SEPTIN5: variants seen among roughly 807,000 people sequenced by gnomAD.
SEPTIN5 encodes septin 5.
Under a neutral mutation model 51.2 loss-of-function variants are expected in SEPTIN5, and 16 were observed. That is an observed-to-expected ratio of 0.31 (90% CI 0.21 to 0.47). The LOEUF (loss-of-function observed/expected upper bound fraction) is 0.47, where lower values mean the gene tolerates loss of function less well. SEPTIN5 is among the 20% of genes least tolerant of loss of function. SEPTIN5 has a pLI of 0.99. For synonymous variants in SEPTIN5, 208 were observed against 191.2 expected, an observed-to-expected ratio of 1.09 and a Z score of -0.72; for missense variants, 376 against 500.3, an observed-to-expected ratio of 0.75 and a Z score of 2.37.
chr22:19,721,499 G>T, intron 8 of SEPTIN5, 141 bp from the exon 9 acceptor site: 1 of 920,702 alleles, frequency 1.1e-6, no homozygotes, highest in Non-Finnish European at 1.6e-6. Context: ...AGGCCAGAAA[G>T]GGGCAACGCC....
chr22:19,715,595 G>C (rs1472371953), intron 2 of SEPTIN5, among the ~76,000 whole-genome samples: 6 of 152,212 alleles, frequency 3.9e-5, no homozygotes, highest in Non-Finnish European at 5.9e-5. Flanking sequence ...CATCTTTGGA[G>C]GAAAAAAGAA....
chr22:19,721,747 T>G lies in SEPTIN5; in HGVS notation c.814+11T>G. On this transcript the variant is annotated intron_variant, in intron 9 of 11. Coordinates refer to ENST00000455784, the MANE Select transcript of SEPTIN5 (RefSeq NM_002688.6). ...GGGGGATCGTGGAGGGTGAGTAGAG[T>G]CTTGGGGTACCAGGTCTGGTGGGGG... is the stretch of plus-strand genomic sequence containing the variant. The G allele has an allele frequency of 1.8e-5, 29 of 1,603,030 alleles. No individual in the cohort carries two copies. Among genetic ancestry groups the G allele is most frequent in the Non-Finnish European group, 2.4e-5 (28 of 1,172,940 alleles).
In SEPTIN5 at chr22:19,714,739, T is replaced by C. The variant is rs767425384; in HGVS notation, c.44-42T>C. 4.1e-6 allele frequency: 6 copies of C among 1,477,938 alleles called. No individual in the cohort carries two copies. The South Asian group carries it at 7.2e-5, about 18-fold the overall frequency. 91.6% of individuals were successfully genotyped at this position (1,477,938 alleles called of 1,614,324 possible). On this transcript the variant is annotated intron_variant, in intron 1 of 11. Coordinates refer to ENST00000455784, the MANE Select transcript of SEPTIN5 (RefSeq NM_002688.6). This position sits in a 1 kb window ranked among gnomAD's most constrained non-coding sequence, Gnocchi z 5.2. ...CCCCCGCCCGCCGGCCCGGACCCGC[T>C]CGGAACCGGACCCGGACTCGACCCC...
At position 19,721,862 on chromosome 22, in the gene SEPTIN5, C is replaced by T; in HGVS notation, c.855C>T (p.Asn285=). 1 of 1,611,632 alleles carries T rather than the reference C, an allele frequency of 6.2e-7. No homozygotes were observed. Residue 285 remains asparagine, a synonymous_variant, in exon 10 of 12, where the codon AAC becomes AAT. Transcript: ENST00000455784. ...ATTGCGACTTCGTGAAGCTGCGCAA[C>T]ATGCTCATCCGCACGCATATGCACG... The part of the protein sequence containing the change: ...QAHCDFVKLR[N]MLIRTHMHDL...
Position 19,714,829 on chromosome 22 carries a change from G to A in SEPTIN5, c.54+38G>A, listed in dbSNP as rs752159091. On this transcript the variant is annotated intron_variant, in intron 2 of 11. Coordinates refer to ENST00000455784, the MANE Select transcript of SEPTIN5 (RefSeq NM_002688.6). This position sits in a 1 kb window ranked among gnomAD's most constrained non-coding sequence, Gnocchi z 5.2. ...CGCCGCTCCCCCGCCGGGAGACCCG[G>A]CCGGCTGTCACCCATTGTGACACTA... The A allele has an allele frequency of 6.3e-6, 10 of 1,588,728 alleles. No homozygotes were observed. The South Asian group carries it at 8.9e-5, about 14-fold the overall frequency.
intron 10 of SEPTIN5, 70 bp from the exon 11 acceptor site, chr22:19,722,167 A>G (rs2145792967): frequency 1.6e-6 from 2 of 1,256,008 alleles, no homozygotes; most frequent in Non-Finnish European, 2.2e-6. Flanking sequence ...GGGATGGGCC[A>G]GGCATCGCCA....
chr22:19,715,409 AC>A (rs1223630031), intron 2 of SEPTIN5, among the ~76,000 whole-genome samples: 2 of 152,088 alleles, frequency 1.3e-5, no homozygotes, highest in Non-Finnish European at 2.9e-5. Context: ...GGTTGGCCCC[AC>A]CCTCCAGGAA....
At chr22:19,717,070 C>T in intron 2 of SEPTIN5, 2 of 322,722 alleles carry the variant, frequency 6.2e-6, no homozygotes, top group South Asian at 2.3e-5. Flanking sequence ...AGCTGTGGGC[C>T]TGCCCCTCCT....
chr22:19,717,329 G>GT, intron 2 of SEPTIN5: 1 of 470,718 alleles, frequency 2.1e-6, no homozygotes, highest in South Asian at 1.5e-5. Context: ...GGTCATGGAG[G>GT]TGGGTGGCCC....
intron 2 of SEPTIN5, chr22:19,717,347 G>A (rs760578696): frequency 1.5e-5 from 7 of 470,542 alleles, no homozygotes; most frequent in Admixed American, 4.7e-5. Flanking sequence ...CCCACAGAGC[G>A]GAGCTCGGGA....
Position 19,720,662 on chromosome 22 carries a change from A to C in SEPTIN5, c.611A>C (p.Glu204Ala). The C allele has an allele frequency of 6.2e-7, 1 of 1,612,890 alleles. No individual in the cohort carries two copies. Among genetic ancestry groups the C allele is most frequent in the Admixed American group, 1.7e-5 (1 of 60,018 alleles). ...CCCAGTGAGATCCGGAAGCTGAAGG[A>C]GCGGGTGAGCCTGCCGTCGCACAGG... ...LVPSEIRKLKERIREEIDKFG... is the reference protein window; with the variant it reads ...LVPSEIRKLKARIREEIDKFG... Residue 204 changes from glutamate to alanine, a missense_variant, in exon 7 of 12, where the codon GAG becomes GCG. Glu to Ala is a moderately radical substitution (Grantham distance 107). Coordinates refer to ENST00000455784, the MANE Select transcript of SEPTIN5 (RefSeq NM_002688.6).
At chr22:19,722,053 C>T in intron 10 of SEPTIN5, 96 bp downstream of exon 10, 2 of 1,471,892 alleles carry the variant, frequency 1.4e-6, no homozygotes, top group Non-Finnish European at 1.8e-6. Flanking sequence ...CAGACTTGAA[C>T]TTTGCACCAT....
chr22:19,722,875 CCCTCCTT>C lies in SEPTIN5; in HGVS notation c.*392_*398del, dbSNP rs1936077349. On this transcript the variant is annotated 3_prime_UTR_variant, in exon 12 of 12. Transcript: ENST00000455784. ...CAGTGCTGCAGAACGGACTTGGGAG[CCCTCCTT>C]TGCCTGCTCCCGCGGGTCACCCAGC... 1 of 452,308 alleles carries C rather than the reference CCCTCCTT, an allele frequency of 2.2e-6. No homozygotes were observed. Among genetic ancestry groups the C allele is most frequent in the South Asian group, 2.1e-5 (1 of 46,786 alleles). The allele number at this position is 452,308 out of a possible 1,614,324, so 28.0% of individuals were successfully genotyped here.
chr22:19,721,124 C>T (rs1026686053), intron 8 of SEPTIN5, among the ~76,000 whole-genome samples: 9 of 152,178 alleles, frequency 5.9e-5, no homozygotes, highest in African/African-American at 2.2e-4. Context: ...GGAGCACTTG[C>T]CCAGATCCAG....
Position 19,721,823 on chromosome 22 carries a change from G to A in SEPTIN5, c.816G>A (p.Val272=), listed in dbSNP as rs755801922. 6.2e-7 allele frequency: 1 copy of A among 1,604,190 alleles called. No homozygotes were observed. Among genetic ancestry groups the A allele is most frequent in the South Asian group, 1.1e-5 (1 of 90,778 alleles). The part of the protein sequence containing the change: ...GRLYPWGIVE[V]ENQAHCDFVK... ...CCACTACCCACCCCCACCCCGCAGT[G>A]GAGAACCAGGCGCATTGCGACTTCG... The change falls in exon 10 of 12, where the codon GTG becomes GTA. Residue 272 remains valine (V), a splice_region_variant and synonymous_variant. Coordinates refer to ENST00000455784, the MANE Select transcript of SEPTIN5 (RefSeq NM_002688.6).
At position 19,720,471 on chromosome 22, in the gene SEPTIN5, G is replaced by A. The variant is rs770723482; in HGVS notation, c.497+17G>A. The A allele has an allele frequency of 6.2e-7, 1 of 1,613,278 alleles. No individual in the cohort carries two copies. Among genetic ancestry groups the A allele is most frequent in the East Asian group, 2.2e-5 (1 of 44,866 alleles). On this transcript the variant is annotated intron_variant, in intron 6 of 11. Coordinates refer to ENST00000455784, the MANE Select transcript of SEPTIN5 (RefSeq NM_002688.6). ...CGGGCATGGGTGTGTGGCTGTCCTG[G>A]GGCCAGGCTCGGGAGTGCAGCCCCT... is the stretch of plus-strand genomic sequence containing the variant.
At position 19,721,748 on chromosome 22, in the gene SEPTIN5, C is replaced by T. The variant is rs1936038374; in HGVS notation, c.814+12C>T. 3.7e-6 allele frequency: 6 copies of T among 1,603,348 alleles called. No individual in the cohort carries two copies. Among genetic ancestry groups the T allele is most frequent in the Non-Finnish European group, 5.1e-6 (6 of 1,172,968 alleles). The stretch of plus-strand genomic sequence containing the variant: ...GGGGATCGTGGAGGGTGAGTAGAGT[C>T]TTGGGGTACCAGGTCTGGTGGGGGA... On this transcript the variant is annotated intron_variant, in intron 9 of 11. Coordinates refer to ENST00000455784, the MANE Select transcript of SEPTIN5 (RefSeq NM_002688.6).
intron 2 of SEPTIN5, chr22:19,718,651 G>T (rs769562933): frequency 1.3e-5 from 17 of 1,290,542 alleles, no homozygotes; most frequent in Non-Finnish European, 1.7e-5. Context: ...GCAGAGCCGC[G>T]CCAAGGTCCC....
chr22:19,720,937 T>C lies in SEPTIN5; in HGVS notation c.717+68T>C, dbSNP rs924212905. 1.5e-5 allele frequency: 21 copies of C among 1,381,194 alleles called. No homozygotes were observed. The Admixed American group carries it at 3.6e-4, about 24-fold the overall frequency. The allele number at this position is 1,381,194 out of a possible 1,614,324, so 85.6% of individuals were successfully genotyped here. On this transcript the variant is annotated intron_variant, in intron 8 of 11. Coordinates refer to ENST00000455784, the MANE Select transcript of SEPTIN5 (RefSeq NM_002688.6). Reference sequence around the variant, plus strand: ...AGGGGCAGAACCAGAGGGCTTTGTCTCCTTCACATTGAGCCTGCTGGAGGA... The same window carrying C: ...AGGGGCAGAACCAGAGGGCTTTGTCCCCTTCACATTGAGCCTGCTGGAGGA...
Sources: allele counts gnomAD v4.1 joint callset (sites outside exome capture counted in the v4.1 genomes callset), GRCh38; gene constraint gnomAD v4.1.1; non-coding constraint Gnocchi (gnomAD v3.1); transcripts MANE v1.5; gene names NCBI Gene and HGNC (gene_info 2026-07-23, HGNC 2026-07-21).